The following DAB1 variants were observed in gnomAD, a reference collection of about 807,000 sequenced individuals.
DAB1 encodes disabled homolog 1.
DAB1 carries 15 observed loss-of-function variants against 64.6 expected under a neutral mutation model. The ratio of observed to expected loss-of-function variants is 0.23; its 90% CI spans 0.16 to 0.36. The LOEUF is 0.36. Among genes scored for constraint, DAB1 ranks in the 10% least tolerant of loss-of-function variants. The probability of loss-of-function intolerance (pLI) is 1.00; values close to 1 mark genes in which losing one functional copy is unlikely to be tolerated. For synonymous variants in DAB1, 235 were observed against 251.9 expected, an observed-to-expected ratio of 0.93 and a Z score of 0.64; for missense variants, 596 against 706.7, an observed-to-expected ratio of 0.84 and a Z score of 1.78.
Position 57,025,965 on chromosome 1 carries a change from A to G in DAB1, c.786+16T>C, listed in dbSNP as rs755655481. ...GGAATTCAGAGAGCAGGGTTCAGAG[A>G]GCAATGCATACTTACGGGGGGAGAG... On this transcript the variant is annotated intron_variant, in intron 10 of 14. Coordinates refer to ENST00000371236, the MANE Select transcript of DAB1 (RefSeq NM_001365792.1). 1 of 1,563,160 alleles carries G rather than the reference A, an allele frequency of 6.4e-7. No homozygotes were observed. The highest frequency in any genetic ancestry group is 8.6e-7 in the Non-Finnish European group (1 of 1,157,986).
intron 2 of DAB1, among the ~76,000 whole-genome samples, chr1:57,214,615 A>T (rs2100348050): frequency 6.6e-6 from 1 of 152,264 alleles, no homozygotes; most frequent in South Asian, 2.1e-4. Flanking sequence ...GTTTCACCTT[A>T]GAAAAACAAA....
chr1:57,809,674 A>T (rs559337093), intron 6 of DAB1, among the ~76,000 whole-genome samples: 2 of 152,204 alleles, frequency 1.3e-5, no homozygotes, highest in Non-Finnish European at 2.9e-5. Flanking sequence ...CTGATACAAA[A>T]CACTATGAGT....
At chr1:57,729,268 T>C (rs555860413) in intron 6 of DAB1, among the ~76,000 whole-genome samples, 38 of 152,332 alleles carry the variant, frequency 2.5e-4, no homozygotes, top group African/African-American at 8.9e-4. Context: ...CCAGAAGCAA[T>C]GGCTGTGTAT....
rs61007751 is a variant in DAB1 at position 57,636,096 on chromosome 1, C to CAAAAAAAA, written n.625+13488_625+13495dup. 3.1e-3 allele frequency among the ~76,000 whole-genome samples: 201 copies of CAAAAAAAA among 64,918 alleles called. 3 individuals carry two copies. Among genetic ancestry groups the CAAAAAAAA allele is most frequent in the African/African-American group, 0.012 (188 of 15,802 alleles). The allele number at this position is 64,918 out of a possible 152,430, so 42.6% of individuals were successfully genotyped here. A position where few individuals can be genotyped will look rare whatever the true frequency, so the allele number is the denominator to read the frequency against. ...TGGGCAAAAGAGCGAGACACGGTCT[C>CAAAAAAAA]AAAAAAAAAAAAAAAAACAAAAACA... On this transcript the variant is annotated intron_variant and non_coding_transcript_variant, in intron 7 of 20. Transcript: ENST00000485760.
At chr1:57,417,823 C>T (rs995044976) in intron 1 of DAB1, among the ~76,000 whole-genome samples, 1 of 152,106 alleles carries the variant, frequency 6.6e-6, no homozygotes, top group African/African-American at 2.4e-5. Flanking sequence ...CCCAATTATG[C>T]CCATCCCTAA....
chr1:57,883,777 C>T (rs1403636554), intron 1 of DAB1, among the ~76,000 whole-genome samples: 1 of 152,176 alleles, frequency 6.6e-6, no homozygotes, highest in Non-Finnish European at 1.5e-5. Flanking sequence ...AAGGCATGCG[C>T]CTTTCAGTTC....
intron 4 of DAB1, among the ~76,000 whole-genome samples, chr1:58,283,100 C>T (rs1241742984): frequency 6.6e-6 from 1 of 151,648 alleles, no homozygotes; most frequent in East Asian, 1.9e-4. Context: ...AGACATACAG[C>T]CTTGCTTGGT....
intron 6 of DAB1, among the ~76,000 whole-genome samples, chr1:57,657,730 G>A (rs1268002882): frequency 1.3e-5 from 2 of 152,202 alleles, no homozygotes; most frequent in Non-Finnish European, 2.9e-5. Flanking sequence ...GTTCATGTGT[G>A]TAGTGGCATT....
intron 8 of DAB1, among the ~76,000 whole-genome samples, chr1:57,068,805 C>A (rs570709300): frequency 1.4e-4 from 21 of 152,096 alleles, no homozygotes; most frequent in Non-Finnish European, 2.9e-4. Flanking sequence ...CTGAGTCTCA[C>A]CCTATAAAAA....
chr1:58,488,504 T>C (rs1211940531), intron 3 of DAB1, among the ~76,000 whole-genome samples: 1 of 152,090 alleles, frequency 6.6e-6, no homozygotes, highest in Non-Finnish European at 1.5e-5. Context: ...CACACTGGAG[T>C]GCAATGGCGC....
intron 5 of DAB1, among the ~76,000 whole-genome samples, chr1:57,974,034 C>T (rs1358337010): frequency 6.6e-6 from 1 of 152,112 alleles, no homozygotes; most frequent in African/African-American, 2.4e-5. Flanking sequence ...TTATTTCACC[C>T]CACCCCTGCC....
chr1:57,925,311 A>G (rs1037958585), intron 5 of DAB1, among the ~76,000 whole-genome samples: 1 of 152,162 alleles, frequency 6.6e-6, no homozygotes, highest in Non-Finnish European at 1.5e-5. Context: ...TGTCATGAGA[A>G]CCTTTTCAAG....
intron 4 of DAB1, among the ~76,000 whole-genome samples, chr1:58,252,008 G>C (rs1660813281): frequency 6.6e-6 from 1 of 152,312 alleles, no homozygotes; most frequent in Non-Finnish European, 1.5e-5. Flanking sequence ...GTCTGGGTAT[G>C]AGTTTCTCCT....
Position 58,054,651 on chromosome 1 carries a change from GA to G in DAB1, n.387+95859del, listed in dbSNP as rs1647934609. On this transcript the variant is annotated intron_variant and non_coding_transcript_variant, in intron 5 of 20. Coordinates refer to the DAB1 transcript ENST00000485760. ...CACAAAGATATTTCCTCACCATGGG[GA>G]TAAGTTTAATAAGAACTACAGATGA... Among the ~76,000 whole-genome samples the G allele has an allele frequency of 3.3e-5, 5 of 152,300 alleles. No individual in the cohort carries two copies. In the South Asian group the frequency reaches 1.0e-3, roughly 32 times the overall value.
intron 4 of DAB1, among the ~76,000 whole-genome samples, chr1:58,151,642 G>C (rs1191763282): frequency 6.6e-6 from 1 of 152,158 alleles, no homozygotes; most frequent in Non-Finnish European, 1.5e-5. Context: ...GCATACCCTG[G>C]CCAGAACGCT....
intron 6 of DAB1, among the ~76,000 whole-genome samples, chr1:57,775,377 C>G (rs931282339): frequency 2.0e-5 from 3 of 151,386 alleles, no homozygotes; most frequent in Non-Finnish European, 4.4e-5. Context: ...TGACTTTAGA[C>G]CCTATTTTTC....
chr1:57,865,579 C>T lies in DAB1; in HGVS notation n.87+18420G>A, dbSNP rs72918543. Among the ~76,000 whole-genome samples, 481 of 152,268 alleles carry T rather than the reference C, an allele frequency of 3.2e-3. 1 individual carries two copies. The highest frequency in any genetic ancestry group is 0.011 in the African/African-American group (461 of 41,558). On this transcript the variant is annotated intron_variant and non_coding_transcript_variant, in intron 1 of 1. Coordinates refer to the DAB1 transcript ENST00000477280. ...CACTGGGCATGATAAACTCTCCCACCTCTTCATTATTGGCTCTCTCCTCTT... is the reference window on the plus strand; with the variant it reads ...CACTGGGCATGATAAACTCTCCCACTTCTTCATTATTGGCTCTCTCCTCTT...
intron 1 of DAB1, among the ~76,000 whole-genome samples, chr1:57,324,471 G>T (rs915537694): frequency 6.6e-6 from 1 of 152,062 alleles, no homozygotes; most frequent in African/African-American, 2.4e-5. Context: ...AAAACCAAGA[G>T]ATTTTTCCCC....
intron 3 of DAB1, among the ~76,000 whole-genome samples, chr1:58,409,782 G>A (rs1250045298): frequency 2.6e-5 from 4 of 152,198 alleles, no homozygotes; most frequent in Admixed American, 6.5e-5. Flanking sequence ...TGGAGGCCAA[G>A]GACACTGAGC....
Sources: gnomAD v4.1 joint callset for allele counts (sites outside exome capture counted in the v4.1 genomes callset) on GRCh38, gnomAD v4.1.1 for gene constraint, MANE v1.5 for transcripts, NCBI Gene and HGNC (gene_info 2026-07-23, HGNC 2026-07-21) for gene names.